HNF4G: variants seen among roughly 807,000 people sequenced by gnomAD.
HNF4G encodes hepatocyte nuclear factor 4-gamma.
HNF4G carries 21 observed loss-of-function variants against 50.9 expected under a neutral mutation model. That is an observed-to-expected ratio of 0.41 (90% CI 0.29 to 0.59). The LOEUF (loss-of-function observed/expected upper bound fraction) is 0.59, where lower values mean the gene tolerates loss of function less well. HNF4G is among the 20% of genes least tolerant of loss of function. The probability of loss-of-function intolerance (pLI) is 0.26; values close to 1 mark genes in which losing one functional copy is unlikely to be tolerated. For missense variants in HNF4G, 527 were observed against 559.4 expected (o/e 0.94, Z 0.58); for synonymous variants, 198 against 185.6 (o/e 1.07, Z -0.54).
chr8:75,459,962 T>C (rs1446523283), intron 1 of HNF4G, among the ~76,000 whole-genome samples: 2 of 152,134 alleles, frequency 1.3e-5, no homozygotes, highest in Non-Finnish European at 2.9e-5. Flanking sequence ...TTTTTTAGAG[T>C]GATCATAGTT....
chr8:75,440,268 G>A (rs984715475), intron 1 of HNF4G, among the ~76,000 whole-genome samples: 1 of 151,976 alleles, frequency 6.6e-6, no homozygotes, highest in Non-Finnish European at 1.5e-5. Context: ...TCTGTGAGTG[G>A]GTCCATTATT....
At position 75,564,122 on chromosome 8, in the gene HNF4G, T is replaced by C. The variant is rs1418813348; in HGVS notation, c.*26T>C. ...AAATGTGTTTACTTCAGAACGGCAC[T>C]ACATAAATGTGAAAAGTTGTTGATC... is the stretch of plus-strand genomic sequence containing the variant. On this transcript the variant is annotated 3_prime_UTR_variant, in exon 10 of 10. Coordinates refer to ENST00000396423, the MANE Select transcript of HNF4G (RefSeq NM_004133.5). 1.2e-6 allele frequency: 2 copies of C among 1,609,170 alleles called. No homozygotes were observed. The highest frequency in any genetic ancestry group is 2.7e-5 in the African/African-American group (2 of 74,780).
rs13251904 is a variant in HNF4G, at chr8:75,564,634, T to C, written c.*538T>C. 11,751 of 152,262 alleles carry C rather than the reference T, an allele frequency of 0.077. 474 individuals are homozygous for C. The highest frequency in any genetic ancestry group is 0.12 in the Middle Eastern group (35 of 294). 9.4% of individuals were successfully genotyped at this position (152,262 alleles called of 1,614,324 possible). A position where few individuals can be genotyped will look rare whatever the true frequency, so the allele number is the denominator to read the frequency against. The stretch of plus-strand genomic sequence containing the variant: ...AGTCTGTGGTAAAGAAGCAACTCTT[T>C]GCTTTAGAGTTAAATATTCCTATCT... On this transcript the variant is annotated 3_prime_UTR_variant, in exon 10 of 10. Coordinates refer to ENST00000396423, the MANE Select transcript of HNF4G (RefSeq NM_004133.5).
chr8:75,460,793 T>C (rs1180388867), intron 1 of HNF4G, among the ~76,000 whole-genome samples: 2 of 152,202 alleles, frequency 1.3e-5, no homozygotes, highest in African/African-American at 4.8e-5. Flanking sequence ...GGTTTCAATA[T>C]TGGAAGAGTT....
At chr8:75,509,672 C>T (rs1423327908) in intron 2 of HNF4G, among the ~76,000 whole-genome samples, 1 of 152,080 alleles carries the variant, frequency 6.6e-6, no homozygotes, top group Non-Finnish European at 1.5e-5. Context: ...AACAGTGGAC[C>T]ACATATAAGG....
intron 1 of HNF4G, among the ~76,000 whole-genome samples, chr8:75,417,384 T>G (rs1810667113): frequency 6.6e-6 from 1 of 152,210 alleles, no homozygotes; most frequent in Non-Finnish European, 1.5e-5. Flanking sequence ...TTTCAATAAC[T>G]CTATACGGTA....
At chr8:75,417,502 G>C (rs143644154) in intron 1 of HNF4G, among the ~76,000 whole-genome samples, 1 of 152,252 alleles carries the variant, frequency 6.6e-6, no homozygotes, top group African/African-American at 2.4e-5. Flanking sequence ...AGGAACCAAG[G>C]CCATTCGTCT....
chr8:75,526,091 T>A (rs1806170452), intron 2 of HNF4G, among the ~76,000 whole-genome samples: 1 of 151,316 alleles, frequency 6.6e-6, no homozygotes, highest in Non-Finnish European at 1.5e-5. Context: ...ATTTATGAAT[T>A]CTCTACTTGC....
At chr8:75,421,147 G>GA (rs1259592139) in intron 1 of HNF4G, among the ~76,000 whole-genome samples, 1 of 152,100 alleles carries the variant, frequency 6.6e-6, no homozygotes, top group Non-Finnish European at 1.5e-5. Context: ...TTATTAATGA[G>GA]AAAAAACAAA....
intron 3 of HNF4G, among the ~76,000 whole-genome samples, chr8:75,549,744 T>G (rs972855180): frequency 9.9e-5 from 15 of 152,026 alleles, no homozygotes. Context: ...TATCTCCTAA[T>G]GCTATCCCTC....
At position 75,412,681 on chromosome 8, in the gene HNF4G, G is replaced by A. The variant is rs529157108; in HGVS notation, c.-144+4519G>A. On this transcript the variant is annotated intron_variant, in intron 1 of 10. Coordinates refer to the HNF4G transcript ENST00000354370. ...ATGCACTGTCTTGTGCTTTGCTTAT[G>A]CTCTTGGCTGACTGAAGATTATGGA... Among the ~76,000 whole-genome samples, 790 of 151,846 alleles carry A rather than the reference G, an allele frequency of 5.2e-3. 4 individuals are homozygous for A. The highest frequency in any genetic ancestry group is 7.3e-3 in the Non-Finnish European group (497 of 67,940).
chr8:75,534,473 C>G (rs1046376430), intron 2 of HNF4G, among the ~76,000 whole-genome samples: 1 of 151,812 alleles, frequency 6.6e-6, no homozygotes, highest in East Asian at 1.9e-4. Context: ...GCTGTGCAAT[C>G]ATCATTTTGT....
At chr8:75,452,336 T>TTATA (rs1333626684) in intron 1 of HNF4G, among the ~76,000 whole-genome samples, 1 of 152,134 alleles carries the variant, frequency 6.6e-6, no homozygotes, top group Admixed American at 6.6e-5. Flanking sequence ...CAGTACATGA[T>TTATA]TTATAGACTA....
intron 1 of HNF4G, among the ~76,000 whole-genome samples, chr8:75,444,463 A>C (rs1811371756): frequency 7.3e-6 from 1 of 136,632 alleles, no homozygotes; most frequent in Non-Finnish European, 1.5e-5. Flanking sequence ...TAAATTCTCC[A>C]ATTAAAAGAC....
intron 1 of HNF4G, among the ~76,000 whole-genome samples, chr8:75,443,417 T>C (rs1375252416): frequency 6.6e-6 from 1 of 152,224 alleles, no homozygotes; most frequent in East Asian, 1.9e-4. Context: ...GCAATAATTA[T>C]ATGACAAAAT....
chr8:75,541,152 C>T (rs1275961416), intron 1 of HNF4G, among the ~76,000 whole-genome samples: 1 of 151,884 alleles, frequency 6.6e-6, no homozygotes, highest in Non-Finnish European at 1.5e-5. Flanking sequence ...TCATCAGAAT[C>T]CTGAATTTAA....
At chr8:75,427,801 GTA>G (rs1225561311) in intron 1 of HNF4G, among the ~76,000 whole-genome samples, 3 of 151,888 alleles carry the variant, frequency 2.0e-5, no homozygotes, top group African/African-American at 4.8e-5. Context: ...CCCTATAAAT[GTA>G]TATATATGTT....
At chr8:75,521,490 T>C (rs1806041147) in intron 2 of HNF4G, among the ~76,000 whole-genome samples, 1 of 152,214 alleles carries the variant, frequency 6.6e-6, no homozygotes, top group African/African-American at 2.4e-5. Context: ...TTTCCAACAG[T>C]CATTTAATAA....
At chr8:75,551,552 C>A in intron 4 of HNF4G, 58 bp downstream of exon 4, 1 of 982,686 alleles carries the variant, frequency 1.0e-6, no homozygotes, top group Non-Finnish European at 1.6e-6. Flanking sequence ...TCCATGTAGG[C>A]ATCATGCTAA....
Sources: allele counts gnomAD v4.1 joint callset (sites outside exome capture counted in the v4.1 genomes callset), GRCh38; gene constraint gnomAD v4.1.1; transcripts MANE v1.5; gene names NCBI Gene and HGNC (gene_info 2026-07-23, HGNC 2026-07-21).